FBXW4: variants seen among roughly 807,000 people sequenced by gnomAD.
FBXW4 encodes F-box and WD repeat domain containing 4.
A neutral mutation model predicts 61.8 loss-of-function variants in FBXW4; 40 were observed. The ratio of observed to expected loss-of-function variants is 0.65; its 90% confidence interval spans 0.50 to 0.84. FBXW4 has a LOEUF of 0.84. Ranked by LOEUF, FBXW4 falls within the 40% of genes least tolerant of loss-of-function variation. The pLI is 0.00. For synonymous variants in FBXW4, 311 were observed against 313.8 expected, an observed-to-expected ratio of 0.99 and a Z score of 0.10; for missense variants, 672 against 753.8, an observed-to-expected ratio of 0.89 and a Z score of 1.27.
chr10:101,612,042 G>T (rs1456607313), intron 7 of FBXW4, among the ~76,000 whole-genome samples: 2 of 152,272 alleles, frequency 1.3e-5, no homozygotes, highest in Non-Finnish European at 2.9e-5. Context: ...CTCAAGAAAG[G>T]TTGAAGTAAC....
intron 5 of FBXW4, among the ~76,000 whole-genome samples, chr10:101,652,095 A>G (rs1192912616): frequency 4.0e-5 from 6 of 151,120 alleles, no homozygotes; most frequent in Admixed American, 2.0e-4. Flanking sequence ...TTTGCTTCCC[A>G]TCTCCACCCC....
intron 1 of FBXW4, among the ~76,000 whole-genome samples, chr10:101,690,624 T>C (rs1053353686): frequency 6.6e-6 from 1 of 152,212 alleles, no homozygotes; most frequent in Non-Finnish European, 1.5e-5. Context: ...ACCAAAGCAG[T>C]TCATCTTACT....
chr10:101,614,130 G>C (rs1288513512), intron 6 of FBXW4, among the ~76,000 whole-genome samples: 1 of 152,258 alleles, frequency 6.6e-6, no homozygotes, highest in Non-Finnish European at 1.5e-5. Flanking sequence ...GGTGCATGCT[G>C]GGTAGGGGCT....
intron 5 of FBXW4, among the ~76,000 whole-genome samples, chr10:101,633,161 T>C (rs1392248070): frequency 1.3e-5 from 2 of 152,200 alleles, no homozygotes; most frequent in African/African-American, 4.8e-5. Flanking sequence ...AAAAATTATA[T>C]GGGAAGTATA....
chr10:101,632,530 T>G (rs926302874), intron 5 of FBXW4, among the ~76,000 whole-genome samples: 1 of 152,170 alleles, frequency 6.6e-6, no homozygotes, highest in Non-Finnish European at 1.5e-5. Context: ...GCCTGAGGTT[T>G]CTGATTCACT....
intron 1 of FBXW4, among the ~76,000 whole-genome samples, chr10:101,684,099 G>A (rs1263158300): frequency 6.6e-6 from 1 of 152,086 alleles, no homozygotes; most frequent in African/African-American, 2.4e-5. Context: ...AAGTAGCTGG[G>A]ATTACAGGCA....
At chr10:101,656,784 C>G (rs996495747) in intron 5 of FBXW4, among the ~76,000 whole-genome samples, 3 of 152,168 alleles carry the variant, frequency 2.0e-5, no homozygotes, top group Admixed American at 6.5e-5. Flanking sequence ...GGGAAGGTCA[C>G]AGCAAAACAT....
intron 5 of FBXW4, among the ~76,000 whole-genome samples, chr10:101,662,495 G>C (rs1439095216): frequency 6.6e-6 from 1 of 152,136 alleles, no homozygotes; most frequent in Non-Finnish European, 1.5e-5. Context: ...AAATTATATT[G>C]TATATTTAAT....
intron 1 of FBXW4, among the ~76,000 whole-genome samples, chr10:101,682,114 AGATAATATCCATTAAT>A (rs2064484597): frequency 6.6e-6 from 1 of 152,242 alleles, no homozygotes; most frequent in Non-Finnish European, 1.5e-5. Context: ...TATAGGTAGT[AGATAATATCCATTAAT>A]GGTGTTGTCA....
At chr10:101,665,781 A>G (rs1589769417) in intron 5 of FBXW4, among the ~76,000 whole-genome samples, 1 of 152,214 alleles carries the variant, frequency 6.6e-6, no homozygotes, top group Non-Finnish European at 1.5e-5. Context: ...GTTGTGCCCT[A>G]TTCTGTTAAG....
At chr10:101,654,328 A>T (rs2064168658) in intron 5 of FBXW4, among the ~76,000 whole-genome samples, 1 of 152,080 alleles carries the variant, frequency 6.6e-6, no homozygotes, top group African/African-American at 2.4e-5. Context: ...AAATTTTCTA[A>T]AAATCATGGA....
upstream of FBXW4, chr10:101,695,213 G>T (rs543348855): frequency 1.2e-5 from 12 of 984,532 alleles, no homozygotes; most frequent in African/African-American, 1.7e-4. This position sits in a 1 kb window ranked among gnomAD's most constrained non-coding sequence, Gnocchi z 4.2. Context: ...GGCGGCGCGG[G>T]CCGAGCCCTG....
chr10:101,659,921 T>C (rs953700603), intron 5 of FBXW4, among the ~76,000 whole-genome samples: 2 of 152,146 alleles, frequency 1.3e-5, no homozygotes, highest in Non-Finnish European at 2.9e-5. Context: ...TGGAAGTATT[T>C]GTGAGGCTAA....
At chr10:101,690,058 G>T (rs150611589) in intron 1 of FBXW4, among the ~76,000 whole-genome samples, 146 of 152,362 alleles carry the variant, frequency 9.6e-4, no homozygotes, top group Non-Finnish European at 2.0e-3. Flanking sequence ...TCGGGAGGAA[G>T]AGGATCAAGT....
In FBXW4 at chr10:101,643,120, A is replaced by G. The variant is rs2064068009; in HGVS notation, c.1236-18310T>C. Among the ~76,000 whole-genome samples the G allele has an allele frequency of 2.0e-5, 3 of 152,218 alleles. No homozygotes were observed. The South Asian group carries it at 6.2e-4, about 31-fold the overall frequency. ...CATCAGCCAAACTAGAGACCAAGAA[A>G]GCATGTGTCCGCCCAGGCCACTGAT... is the stretch of plus-strand genomic sequence containing the variant. On this transcript the variant is annotated intron_variant, in intron 5 of 8. Transcript: ENST00000331272.
chr10:101,621,028 G>A (rs919087603), intron 6 of FBXW4, among the ~76,000 whole-genome samples: 24 of 152,248 alleles, frequency 1.6e-4, no homozygotes, highest in Non-Finnish European at 2.5e-4. Flanking sequence ...TACCCAGCCC[G>A]CCACCCGGCT....
intron 5 of FBXW4, among the ~76,000 whole-genome samples, chr10:101,667,391 TTTGTTTGA>T (rs557470054): frequency 3.3e-4 from 51 of 152,358 alleles, no homozygotes; most frequent in Middle Eastern, 3.4e-3. Flanking sequence ...CATACATGTC[TTTGTTTGA>T]GGACCCAGCT....
intron 1 of FBXW4, among the ~76,000 whole-genome samples, chr10:101,687,690 CA>C (rs1163155045): frequency 2.4e-4 from 37 of 152,186 alleles, no homozygotes; most frequent in African/African-American, 7.5e-4. Flanking sequence ...ACACTTCATA[CA>C]AATACGAATC....
Position 101,628,097 on chromosome 10 carries a change from A to G in FBXW4, c.1236-3287T>C, listed in dbSNP as rs920573470. 8 of 439,810 alleles carry G rather than the reference A, an allele frequency of 1.8e-5. No homozygotes were observed. In the Admixed American group the frequency reaches 5.1e-4, roughly 28 times the overall value. 27.2% of individuals were successfully genotyped at this position (439,810 alleles called of 1,614,324 possible). A position where few individuals can be genotyped will look rare whatever the true frequency, so the allele number is the denominator to read the frequency against. On this transcript the variant is annotated intron_variant, in intron 5 of 8. Coordinates refer to ENST00000331272, the MANE Select transcript of FBXW4 (RefSeq NM_022039.4). ...GCTCTCAATAAATACTTGGAGATCAATGAAATGAAAACGTGTATCATTCCC... is the reference window on the plus strand; with the variant it reads ...GCTCTCAATAAATACTTGGAGATCAGTGAAATGAAAACGTGTATCATTCCC...
Sources: allele counts gnomAD v4.1 joint callset (sites outside exome capture counted in the v4.1 genomes callset), GRCh38; gene constraint gnomAD v4.1.1; non-coding constraint Gnocchi (gnomAD v3.1); transcripts MANE v1.5; gene names NCBI Gene and HGNC (gene_info 2026-07-23, HGNC 2026-07-21).